The following XKR9 variants were observed in gnomAD, a reference collection of about 807,000 sequenced individuals.
XKR9 encodes XK related 9.
Under a neutral mutation model 32.0 loss-of-function variants are expected in XKR9, and 32 were observed. That is an observed-to-expected ratio of 1.00 (90% CI 0.76 to 1.34). XKR9 has a LOEUF of 1.34. Ranked by LOEUF, XKR9 falls within the 40% of genes most tolerant of loss-of-function variation. The pLI, the probability that XKR9 is intolerant of heterozygous loss-of-function variation, is 0.00. For missense variants in XKR9, 546 were observed against 429.7 expected, an observed-to-expected ratio of 1.27 and a Z score of -2.39; for synonymous variants, 168 against 143.4, an observed-to-expected ratio of 1.17 and a Z score of -1.22.
the XKR9 span, among the ~76,000 whole-genome samples, chr8:70,928,422 C>T: frequency 4.6e-5 from 7 of 152,086 alleles, no homozygotes; most frequent in African/African-American, 1.7e-4. Context: ...CTAAGCACAA[C>T]CCATTTGATA....
At chr8:70,859,566 T>C in the XKR9 span, among the ~76,000 whole-genome samples, 1 of 152,106 alleles carries the variant, frequency 6.6e-6, no homozygotes, top group Admixed American at 6.6e-5. Flanking sequence ...GCAGTACTAT[T>C]CAGAATAGCC....
downstream of XKR9, among the ~76,000 whole-genome samples, chr8:70,790,575 A>G (rs946248869): frequency 6.6e-6 from 1 of 152,064 alleles, no homozygotes; most frequent in African/African-American, 2.4e-5. Context: ...CAGGGTTCCA[A>G]TGTCCAGCAC....
chr8:70,879,840 C>T, the XKR9 span, among the ~76,000 whole-genome samples: 3 of 152,264 alleles, frequency 2.0e-5, no homozygotes, highest in South Asian at 6.2e-4. Context: ...AATTTTAGAC[C>T]AATATCCCTG....
At chr8:70,772,596 G>T (rs370905949) in intron 2 of XKR9, among the ~76,000 whole-genome samples, 2 of 152,160 alleles carry the variant, frequency 1.3e-5, no homozygotes, top group East Asian at 3.8e-4. Context: ...GTTTAGAAAT[G>T]AATACTGTGT....
At chr8:70,900,970 C>A in the XKR9 span, among the ~76,000 whole-genome samples, 1 of 152,242 alleles carries the variant, frequency 6.6e-6, no homozygotes, top group South Asian at 2.1e-4. Flanking sequence ...CATCCATGTC[C>A]CTACGAAGGA....
chr8:70,709,974 A>G (rs117452613), intron 4 of XKR9, among the ~76,000 whole-genome samples: 3,910 of 152,274 alleles, frequency 0.026, 66 homozygotes, highest in Middle Eastern at 0.048. Context: ...AAAGACCCCA[A>G]ATAGCCAAAG....
At chr8:70,848,501 C>G in the XKR9 span, among the ~76,000 whole-genome samples, 1 of 151,960 alleles carries the variant, frequency 6.6e-6, no homozygotes, top group Non-Finnish European at 1.5e-5. Flanking sequence ...AGAAGTCAAA[C>G]TAGCCTTGTT....
In XKR9 at chr8:70,768,349, C is replaced by T. The variant is rs557400587; in HGVS notation, n.353-20990C>T. On this transcript the variant is annotated intron_variant and non_coding_transcript_variant, in intron 2 of 3. Coordinates refer to the XKR9 transcript ENST00000520273. ...AGTGTTTTACTTCCAATTATGTGGTCAATTTTAGAATAAGTGCTACATGGT... is the reference window on the plus strand; with the variant it reads ...AGTGTTTTACTTCCAATTATGTGGTTAATTTTAGAATAAGTGCTACATGGT... 2.0e-5 allele frequency among the ~76,000 whole-genome samples: 3 copies of T among 152,198 alleles called. No individual in the cohort carries two copies. In the East Asian group the frequency reaches 5.8e-4, roughly 29 times the overall value.
intron 2 of XKR9, among the ~76,000 whole-genome samples, chr8:70,788,684 T>C (rs1807723853): frequency 6.6e-6 from 1 of 152,142 alleles, no homozygotes; most frequent in Admixed American, 6.6e-5. Context: ...CTTATGTATA[T>C]AACTTCTAGA....
intron 4 of XKR9, among the ~76,000 whole-genome samples, chr8:70,717,138 T>C (rs1806119894): frequency 6.6e-6 from 1 of 152,182 alleles, no homozygotes. Flanking sequence ...ACAGCCCCAC[T>C]CCAGGCTGCT....
intron 3 of XKR9, among the ~76,000 whole-genome samples, chr8:70,693,422 C>T (rs1186281118): frequency 6.6e-6 from 1 of 152,132 alleles, no homozygotes; most frequent in Admixed American, 6.5e-5. Flanking sequence ...CCTATGTTTC[C>T]TCACAGTTGC....
At chr8:70,984,546 C>A in the XKR9 span, among the ~76,000 whole-genome samples, 1 of 152,208 alleles carries the variant, frequency 6.6e-6, no homozygotes, top group African/African-American at 2.4e-5. Context: ...GCTATCTATG[C>A]TGCAACACAA....
the XKR9 span, among the ~76,000 whole-genome samples, chr8:70,831,735 C>A: frequency 0.011 from 1,698 of 152,162 alleles, 30 homozygotes; most frequent in African/African-American, 0.037. Flanking sequence ...ATCATAATTT[C>A]CTTTTATTCT....
intron 3 of XKR9, among the ~76,000 whole-genome samples, chr8:70,692,369 T>C (rs372741610): frequency 6.6e-6 from 1 of 151,916 alleles, no homozygotes; most frequent in Non-Finnish European, 1.5e-5. Flanking sequence ...CAAACAGAGA[T>C]AGTTTGACTC....
At chr8:70,915,738 T>C in the XKR9 span, among the ~76,000 whole-genome samples, 1 of 152,174 alleles carries the variant, frequency 6.6e-6, no homozygotes, top group East Asian at 1.9e-4. Context: ...AATATTACAC[T>C]CCAAAATATA....
chr8:70,762,055 A>G (rs1409681345), intron 2 of XKR9, among the ~76,000 whole-genome samples: 2 of 152,052 alleles, frequency 1.3e-5, no homozygotes, highest in Non-Finnish European at 2.9e-5. Flanking sequence ...CCATTGGTCT[A>G]CGTGTCTGTT....
intron 4 of XKR9, among the ~76,000 whole-genome samples, chr8:70,710,023 C>G (rs766317624): frequency 3.3e-5 from 5 of 152,184 alleles, no homozygotes; most frequent in South Asian, 2.1e-4. Context: ...AGGCATCACA[C>G]TATCTGACTT....
At chr8:70,823,108 A>T in the XKR9 span, among the ~76,000 whole-genome samples, 1 of 152,190 alleles carries the variant, frequency 6.6e-6, no homozygotes, top group Non-Finnish European at 1.5e-5. Context: ...CTTCTGAGAG[A>T]TAATACATAC....
the XKR9 span, among the ~76,000 whole-genome samples, chr8:71,019,438 G>A: frequency 3.9e-5 from 6 of 152,270 alleles, no homozygotes; most frequent in Admixed American, 1.3e-4. Flanking sequence ...TTCATGAGCT[G>A]GCTAAAAGAG....
Sources: gnomAD v4.1 joint callset for allele counts (sites outside exome capture counted in the v4.1 genomes callset) on GRCh38, gnomAD v4.1.1 for gene constraint, MANE v1.5 for transcripts, NCBI Gene and HGNC (gene_info 2026-07-23, HGNC 2026-07-21) for gene names.